Variants in SMC2 observed in about 807,000 individuals in gnomAD.
The protein encoded by SMC2 is structural maintenance of chromosomes 2.
A neutral mutation model predicts 142.6 loss-of-function variants in SMC2; 41 were observed. The observed-to-expected ratio is 0.29, with a 90% CI of 0.22 to 0.37. The LOEUF (loss-of-function observed/expected upper bound fraction) is 0.37, where lower values mean the gene tolerates loss of function less well. Among genes scored for constraint, SMC2 ranks in the 10% least tolerant of loss-of-function variants. SMC2 has a pLI of 1.00. For synonymous variants in SMC2, 463 were observed against 457.5 expected, an observed-to-expected ratio of 1.01 and a Z score of -0.15; for missense variants, 1,265 against 1,373.7, an observed-to-expected ratio of 0.92 and a Z score of 1.25.
rs149688398 is a variant in SMC2 at position 104,130,891 on chromosome 9, A to G, written c.2991+1046A>G. The stretch of plus-strand genomic sequence containing the variant: ...CATCTCTTTACCAGAGGAGAAGCCT[A>G]TATTGTTGATCAGCAGATGGCCTTT... On this transcript the variant is annotated intron_variant, in intron 21 of 24. Transcript: ENST00000374793. Among the ~76,000 whole-genome samples the G allele has an allele frequency of 3.9e-5, 6 of 152,264 alleles. No individual in the cohort carries two copies. The South Asian group carries it at 8.3e-4, about 21-fold the overall frequency.
chr9:104,110,467 GTGTTA>G (rs146368894), intron 9 of SMC2, among the ~76,000 whole-genome samples: 8,625 of 152,152 alleles, frequency 0.057, 653 homozygotes, highest in African/African-American at 0.18. Context: ...TGAGTTAATT[GTGTTA>G]TGTTATTGGT....
At chr9:104,115,617 T>C (rs1408442184) in intron 13 of SMC2, among the ~76,000 whole-genome samples, 1 of 151,782 alleles carries the variant, frequency 6.6e-6, no homozygotes, top group Non-Finnish European at 1.5e-5. Context: ...ACGTACAAGA[T>C]GTTTTGATAC....
intron 18 of SMC2, 124 bp from the exon 19 acceptor site, chr9:104,126,517 T>C (rs1309364102): frequency 7.9e-6 from 5 of 631,034 alleles, no homozygotes; most frequent in Non-Finnish European, 9.9e-6. Flanking sequence ...TTTCGGTAGC[T>C]GAGTGGTAAC....
At position 104,116,331 on chromosome 9, in the gene SMC2, T is replaced by TTTGTC. The variant is rs766239043; in HGVS notation, c.1791+15_1791+19dup. 25 of 1,594,584 alleles carry TTTGTC rather than the reference T, an allele frequency of 1.6e-5. No individual in the cohort carries two copies. The highest frequency in any genetic ancestry group is 2.0e-5 in the Non-Finnish European group (23 of 1,173,160). ...TTGCTCAGAATCTTGTAAGTCTCAT[T>TTTGTC]TTGTCTTATTTATATGTTTAATCGT... is the stretch of plus-strand genomic sequence containing the variant. On this transcript the variant is annotated intron_variant, in intron 14 of 24. Transcript: ENST00000374793.
At position 104,139,560 on chromosome 9, in the gene SMC2, C is replaced by A; in HGVS notation, c.*245C>A. ...TATCATCAAATGTTTTTTTCTTATG[C>A]GGGTCTTTTATATATTAGGGATCCT... On this transcript the variant is annotated 3_prime_UTR_variant, in exon 25 of 25. Transcript: ENST00000374793. 3.2e-6 allele frequency: 1 copy of A among 314,288 alleles called. No individual in the cohort carries two copies. The highest frequency in any genetic ancestry group is 7.3e-5 in the South Asian group (1 of 13,716). 19.5% of individuals were successfully genotyped at this position (314,288 alleles called of 1,614,324 possible).
At chr9:104,092,697 CA>C (rs1830024793), upstream of SMC2, 1 of 152,140 alleles carries the variant, frequency 6.6e-6, no homozygotes, top group African/African-American at 2.4e-5. Flanking sequence ...CTTTCTTAAA[CA>C]AAAAACCCAT....
intron 13 of SMC2, among the ~76,000 whole-genome samples, chr9:104,115,431 C>T (rs893371163): frequency 1.3e-5 from 2 of 151,852 alleles, no homozygotes; most frequent in African/African-American, 4.8e-5. Flanking sequence ...AAAAGTTACC[C>T]AGGCGTAGTG....
chr9:104,095,282 G>A, intron 1 of SMC2, 42 bp from the exon 2 acceptor site: 1 of 910,742 alleles, frequency 1.1e-6, no homozygotes, highest in South Asian at 1.6e-5. Context: ...ATGATTCCAG[G>A]TTTACATTCC....
intron 4 of SMC2, 90 bp downstream of exon 4, chr9:104,098,658 G>A (rs113313889): frequency 5.4e-6 from 7 of 1,304,318 alleles, no homozygotes; most frequent in African/African-American, 3.0e-5. Flanking sequence ...TTTATGTTTT[G>A]GATTTTATAC....
intron 9 of SMC2, among the ~76,000 whole-genome samples, chr9:104,104,456 G>A (rs1362372110): frequency 6.6e-6 from 1 of 152,190 alleles, no homozygotes; most frequent in East Asian, 1.9e-4. Context: ...AGGGACCCCA[G>A]AAAACAGCCT....
upstream of SMC2, chr9:104,092,112 T>C (rs1426663666): frequency 1.3e-5 from 2 of 152,036 alleles, no homozygotes; most frequent in Non-Finnish European, 2.9e-5. Context: ...GGAGGCAGAG[T>C]TTCAAGTTAG....
intron 2 of SMC2, 96 bp from the exon 3 acceptor site, chr9:104,096,052 G>A: frequency 9.0e-7 from 1 of 1,106,082 alleles, no homozygotes; most frequent in Non-Finnish European, 1.3e-6. Flanking sequence ...TGGACACTAC[G>A]TTGGTGGGTT....
At chr9:104,124,667 A>ATAG (rs1834078283) in intron 17 of SMC2, among the ~76,000 whole-genome samples, 2 of 151,628 alleles carry the variant, frequency 1.3e-5, no homozygotes, top group Admixed American at 1.3e-4. Context: ...TTGTAAAAGG[A>ATAG]TAGTTGTAGG....
intron 20 of SMC2, among the ~76,000 whole-genome samples, chr9:104,127,965 C>A (rs1834498958): frequency 6.6e-6 from 1 of 152,180 alleles, no homozygotes; most frequent in African/African-American, 2.4e-5. Context: ...TTTTGCCAAG[C>A]AGCTATGTTT....
At chr9:104,131,539 G>T (rs1322894320) in intron 21 of SMC2, among the ~76,000 whole-genome samples, 1 of 151,788 alleles carries the variant, frequency 6.6e-6, no homozygotes, top group African/African-American at 2.4e-5. Context: ...TCCAATTTAT[G>T]TGGTTCCTAT....
chr9:104,119,775 C>T (rs1460326581), intron 15 of SMC2, among the ~76,000 whole-genome samples: 1 of 152,048 alleles, frequency 6.6e-6, no homozygotes, highest in Non-Finnish European at 1.5e-5. Flanking sequence ...CAGTGTCAGA[C>T]GATGGAAGAT....
rs760655816 is a variant in SMC2 at position 104,111,713 on chromosome 9, G to T, written c.1153G>T (p.Ala385Ser). The part of the protein sequence containing the change: ...AAQQHFNAVS[A>S]GLSSNEDGAE... ...ACAGCAGCACTTCAATGCTGTTTCC[G>T]CTGGCCTGTCCAGTAATGAAGATGG... The change falls in exon 10 of 25, where the codon GCT becomes TCT. Residue 385 changes from alanine (A) to serine (S), a missense_variant. Ala to Ser is a moderately conservative substitution (Grantham distance 99, BLOSUM62 1). Around this residue, in one of 4 missense-constraint regions of SMC2, gnomAD observed 898 missense variants for 904.2 expected, o/e 0.99. Transcript: ENST00000374793. 43 of 1,613,934 alleles carry T rather than the reference G, an allele frequency of 2.7e-5. No individual in the cohort carries two copies. Among genetic ancestry groups the T allele is most frequent in the Non-Finnish European group, 3.3e-5 (39 of 1,179,958 alleles).
intron 23 of SMC2, among the ~76,000 whole-genome samples, chr9:104,136,618 A>G (rs533514298): frequency 3.3e-5 from 5 of 152,214 alleles, no homozygotes; most frequent in African/African-American, 9.6e-5. Flanking sequence ...TTAAGTTTTA[A>G]AACTCAATAC....
upstream of SMC2, chr9:104,092,097 T>G (rs550278029): frequency 6.6e-6 from 1 of 152,362 alleles, no homozygotes; most frequent in East Asian, 1.9e-4. Flanking sequence ...ACCTGTGTGA[T>G]CTCAGGAGGC....
Sources: allele counts gnomAD v4.1 joint callset (sites outside exome capture counted in the v4.1 genomes callset), GRCh38; gene constraint gnomAD v4.1.1; regional missense constraint gnomAD v4.1.1; transcripts MANE v1.5; gene names NCBI Gene and HGNC (gene_info 2026-07-23, HGNC 2026-07-21).